The following LIX1 variants were observed in gnomAD, a reference collection of about 807,000 sequenced individuals.
LIX1 encodes protein limb expression 1 homolog.
In LIX1, 24 loss-of-function variants were observed where a neutral mutation model predicts 33.4. The observed-to-expected ratio is 0.72, with a 90% confidence interval of 0.52 to 1.01. The LOEUF (loss-of-function observed/expected upper bound fraction) is 1.01, where lower values mean the gene tolerates loss of function less well. Ranked by LOEUF, LIX1 falls within the 50% of genes least tolerant of loss-of-function variation. The probability of loss-of-function intolerance (pLI) is 0.00; values close to 1 mark genes in which losing one functional copy is unlikely to be tolerated. For missense variants in LIX1, 311 were observed against 339.2 expected (o/e 0.92, Z 0.65); for synonymous variants, 124 against 124.0 (o/e 1.00, Z 0.00).
At position 97,107,458 on chromosome 5, in the gene LIX1, C is replaced by G; in HGVS notation, c.289G>C (p.Val97Leu). ...TTGAAGAGGGAGTTGATCAGGGCCACTTTAGCTGCATCCCGCCTGGCCTCG... is the reference window on the plus strand; with the variant it reads ...TTGAAGAGGGAGTTGATCAGGGCCAGTTTAGCTGCATCCCGCCTGGCCTCG... ...RAEARRDAAK[V>L]ALINSLFNEL... The change falls in exon 3 of 6, where the codon GTG (valine) becomes CTG (leucine). Residue 97 changes from valine to leucine, a missense_variant. By Grantham distance (32) the Val-to-Leu change is conservative (BLOSUM62 1). Coordinates refer to ENST00000274382, the MANE Select transcript of LIX1 (RefSeq NM_153234.5). The G allele has an allele frequency of 6.2e-7, 1 of 1,613,772 alleles. No homozygotes were observed. The highest frequency in any genetic ancestry group is 1.1e-5 in the South Asian group (1 of 91,058).
At chr5:97,135,434 T>G (rs1748150962) in intron 1 of LIX1, among the ~76,000 whole-genome samples, 1 of 152,212 alleles carries the variant, frequency 6.6e-6, no homozygotes, top group Non-Finnish European at 1.5e-5. Flanking sequence ...AAAAGCTGCA[T>G]AAAATAGAAG....
chr5:97,129,856 G>A (rs1256950040), intron 1 of LIX1, among the ~76,000 whole-genome samples: 1 of 152,228 alleles, frequency 6.6e-6, no homozygotes, highest in Non-Finnish European at 1.5e-5. Flanking sequence ...GCTGTTGGTA[G>A]TGTAGGCATG....
rs1746170998 is a variant in LIX1, at chr5:97,093,346, T to C, written c.*1402A>G. 1.3e-5 allele frequency: 2 copies of C among 152,312 alleles called. No individual in the cohort carries two copies. Among genetic ancestry groups the C allele is most frequent in the South Asian group, 4.1e-4 (2 of 4,836 alleles). 9.4% of individuals were successfully genotyped at this position (152,312 alleles called of 1,614,324 possible). ...CAAAAGAAAAAGAAATTATTTTAAA[T>C]TGAGAAAAACATTTTCTTTAATTTG... On this transcript the variant is annotated 3_prime_UTR_variant, in exon 6 of 6. Coordinates refer to ENST00000274382, the MANE Select transcript of LIX1 (RefSeq NM_153234.5).
chr5:97,125,349 CAAATT>C (rs761571837), intron 1 of LIX1, among the ~76,000 whole-genome samples: 10 of 152,166 alleles, frequency 6.6e-5, no homozygotes, highest in African/African-American at 1.2e-4. Context: ...TCCTGTACTG[CAAATT>C]AAATTGTAGA....
chr5:97,112,425 T>C (rs1333404457), intron 2 of LIX1, among the ~76,000 whole-genome samples: 1 of 152,252 alleles, frequency 6.6e-6, no homozygotes, highest in Non-Finnish European at 1.5e-5. Flanking sequence ...TATGATGTTA[T>C]TTCAAAGTAA....
rs762340536 is a variant in LIX1 at position 97,092,809 on chromosome 5, C to T, written c.*1939G>A. The T allele has an allele frequency of 6.6e-6, 1 of 152,280 alleles. No individual in the cohort carries two copies. Among genetic ancestry groups the T allele is most frequent in the Non-Finnish European group, 1.5e-5 (1 of 68,030 alleles). The allele number at this position is 152,280 out of a possible 1,614,324, so 9.4% of individuals were successfully genotyped here. ...AGGTGTGCCTAACTTTCATCACATC[C>T]AGCATGGGAAATTGTGGCTTTTTGG... On this transcript the variant is annotated 3_prime_UTR_variant, in exon 6 of 6. Coordinates refer to ENST00000274382, the MANE Select transcript of LIX1 (RefSeq NM_153234.5).
rs1426339231 is a variant in LIX1 at position 97,109,479 on chromosome 5, C to A, written c.247-1979G>T. ...ATATTGCCCAGGCTGGTCTCAAACTCCTGGGCTCAAGCGATCCACCTGCCT... is the reference window on the plus strand; with the variant it reads ...ATATTGCCCAGGCTGGTCTCAAACTACTGGGCTCAAGCGATCCACCTGCCT... On this transcript the variant is annotated intron_variant, in intron 2 of 5. Coordinates refer to ENST00000274382, the MANE Select transcript of LIX1 (RefSeq NM_153234.5). Among the ~76,000 whole-genome samples the A allele has an allele frequency of 2.6e-5, 4 of 152,174 alleles. No individual in the cohort carries two copies. The East Asian group carries it at 7.7e-4, about 29-fold the overall frequency.
intron 1 of LIX1, among the ~76,000 whole-genome samples, chr5:97,139,552 G>A (rs1748241903): frequency 6.6e-6 from 1 of 152,244 alleles, no homozygotes; most frequent in Admixed American, 6.5e-5. Context: ...CATGACACAT[G>A]AAACGAAATT....
chr5:97,129,142 C>T (rs1164447205), intron 1 of LIX1, among the ~76,000 whole-genome samples: 2 of 152,330 alleles, frequency 1.3e-5, no homozygotes, highest in African/African-American at 4.8e-5. Flanking sequence ...AAAGCCAGTA[C>T]TTCCATTCAT....
rs189495121 is a variant in LIX1, at chr5:97,125,867, G to A, written c.83-1238C>T. 3.3e-4 allele frequency among the ~76,000 whole-genome samples: 51 copies of A among 152,322 alleles called. No individual in the cohort carries two copies. In the East Asian group the frequency reaches 9.3e-3, roughly 28 times the overall value. ...AAATGTTGAAAGTTTCCTGTTTTCA[G>A]TGGGGTTTCTGGAGCCGTAGGAGGT... On this transcript the variant is annotated intron_variant, in intron 1 of 5. Coordinates refer to ENST00000274382, the MANE Select transcript of LIX1 (RefSeq NM_153234.5).
intron 2 of LIX1, among the ~76,000 whole-genome samples, chr5:97,108,211 C>T (rs1217518870): frequency 6.6e-6 from 1 of 152,206 alleles, no homozygotes; most frequent in East Asian, 1.9e-4. Flanking sequence ...TGTCCCCCAC[C>T]TTCCTTCTAG....
intron 1 of LIX1, among the ~76,000 whole-genome samples, chr5:97,125,615 T>A (rs184515470): frequency 9.9e-5 from 15 of 152,258 alleles, no homozygotes; most frequent in African/African-American, 3.4e-4. Flanking sequence ...ATGCAGAGGG[T>A]CTACTTCTCA....
intron 2 of LIX1, among the ~76,000 whole-genome samples, chr5:97,111,660 C>A (rs1446502475): frequency 1.3e-5 from 2 of 152,284 alleles, no homozygotes; most frequent in East Asian, 3.9e-4. Flanking sequence ...TCTTCAGAAA[C>A]AACTTCTATC....
intron 4 of LIX1, among the ~76,000 whole-genome samples, chr5:97,098,366 T>C (rs1183765026): frequency 2.0e-5 from 3 of 152,220 alleles, no homozygotes; most frequent in Non-Finnish European, 4.4e-5. Flanking sequence ...TGTATAAGTT[T>C]ACTGAAGATT....
At chr5:97,135,814 G>A (rs1027573605) in intron 1 of LIX1, among the ~76,000 whole-genome samples, 5 of 151,856 alleles carry the variant, frequency 3.3e-5, no homozygotes, top group African/African-American at 7.3e-5. Flanking sequence ...GCGAGACTCT[G>A]TCTCAAAATT....
intron 4 of LIX1, chr5:97,101,766 G>A (rs1476882742): frequency 2.6e-5 from 4 of 152,152 alleles, no homozygotes; most frequent in Non-Finnish European, 5.9e-5. Context: ...TAGGAGACGG[G>A]TTTGGCTCTG....
In LIX1 at chr5:97,092,487, A is replaced by G. The variant is rs990538394; in HGVS notation, c.*2261T>C. On this transcript the variant is annotated 3_prime_UTR_variant, in exon 6 of 6. Coordinates refer to ENST00000274382, the MANE Select transcript of LIX1 (RefSeq NM_153234.5). ...GATAGACTGACAGCCCTTATGTCTC[A>G]GCTGAAATTGATTTACTATCAAATC... 1 of 152,396 alleles carries G rather than the reference A, an allele frequency of 6.6e-6. No individual in the cohort carries two copies. Among genetic ancestry groups the G allele is most frequent in the African/African-American group, 2.4e-5 (1 of 41,462 alleles). The allele number at this position is 152,396 out of a possible 1,614,324, so 9.4% of individuals were successfully genotyped here.
chr5:97,114,685 G>A (rs1403829679), intron 2 of LIX1, among the ~76,000 whole-genome samples: 1 of 152,174 alleles, frequency 6.6e-6, no homozygotes, highest in South Asian at 2.1e-4. Flanking sequence ...CTGACATGTG[G>A]ACCCAGGACA....
intron 2 of LIX1, among the ~76,000 whole-genome samples, chr5:97,123,492 CT>C (rs2112787467): frequency 6.6e-6 from 1 of 152,248 alleles, no homozygotes; most frequent in Non-Finnish European, 1.5e-5. Flanking sequence ...GTCCCTTCAC[CT>C]TTAGCTCCTG....
Sources: allele counts gnomAD v4.1 joint callset (sites outside exome capture counted in the v4.1 genomes callset), GRCh38; gene constraint gnomAD v4.1.1; transcripts MANE v1.5; gene names NCBI Gene and HGNC (gene_info 2026-07-23, HGNC 2026-07-21).